The following MYO16 variants were observed in gnomAD, a reference collection of about 807,000 sequenced individuals.
MYO16 encodes unconventional myosin-XVI.
A neutral mutation model predicts 205.3 loss-of-function variants in MYO16; 94 were observed. The observed-to-expected ratio is 0.46, with a 90% CI of 0.39 to 0.54. The LOEUF is 0.54. Ranked by LOEUF, MYO16 falls within the 20% of genes least tolerant of loss-of-function variation. The pLI, the probability that MYO16 is intolerant of heterozygous loss-of-function variation, is 0.00. For missense variants in MYO16, 2,315 were observed against 2,387.5 expected (o/e 0.97, Z 0.63); for synonymous variants, 988 against 954.0 (o/e 1.04, Z -0.66).
chr13:109,081,386 A>G (rs940880609), intron 27 of MYO16, among the ~76,000 whole-genome samples: 9 of 152,170 alleles, frequency 5.9e-5, no homozygotes, highest in Non-Finnish European at 1.2e-4. Context: ...GTGAATATTG[A>G]GTCCCACAAA....
chr13:108,876,359 T>C (rs986955784), intron 12 of MYO16, among the ~76,000 whole-genome samples: 1 of 152,138 alleles, frequency 6.6e-6, no homozygotes. Flanking sequence ...AAGGGTATGG[T>C]AAGAAAACAC....
chr13:108,614,717 T>C (rs1429068241), intron 1 of MYO16, among the ~76,000 whole-genome samples: 1 of 152,078 alleles, frequency 6.6e-6, no homozygotes, highest in African/African-American at 2.4e-5. Flanking sequence ...GACTATTCTA[T>C]GGGAAGAGTC....
chr13:108,836,887 G>T (rs1218145291), intron 9 of MYO16, among the ~76,000 whole-genome samples: 2 of 152,174 alleles, frequency 1.3e-5, no homozygotes, highest in African/African-American at 4.8e-5. Context: ...CTCATAGATG[G>T]TGGGGACTTA....
the MYO16 span, among the ~76,000 whole-genome samples, chr13:108,585,071 A>G: frequency 6.6e-6 from 1 of 152,170 alleles, no homozygotes; most frequent in Non-Finnish European, 1.5e-5. Flanking sequence ...ACTATCATTC[A>G]TTATATTTAT....
chr13:108,520,042 T>A, the MYO16 span, among the ~76,000 whole-genome samples: 2 of 152,144 alleles, frequency 1.3e-5, no homozygotes, highest in Non-Finnish European at 2.9e-5. Context: ...TTGAGTGCAT[T>A]TTCGCTGAGA....
At chr13:108,997,343 AGAGAGAGAGAGAGAGAGAGAG>A (rs1885052402) in intron 21 of MYO16, among the ~76,000 whole-genome samples, 1 of 3,270 alleles carries the variant, frequency 3.1e-4, no homozygotes, top group African/African-American at 1.2e-3. Flanking sequence ...AAAGAAAGAG[AGAGAGAGAGAGAGAGAGAGAG>A]AGAGAGAGAG....
Position 109,127,571 on chromosome 13 carries a change from C to G in MYO16, c.4051+21C>G, listed in dbSNP as rs760492103. The G allele has an allele frequency of 2.5e-6, 4 of 1,603,386 alleles. No homozygotes were observed. In the Admixed American group the frequency reaches 6.7e-5, roughly 27 times the overall value. On this transcript the variant is annotated intron_variant, in intron 31 of 34. Coordinates refer to ENST00000457511, the MANE Select transcript of MYO16 (RefSeq NM_001198950.3). The surrounding 1 kb of genome is among the most constrained non-coding windows in gnomAD (Gnocchi z 4.2). ...CGAAGGTCAGCCCTGGGGAGGGACC[C>G]AGCCTCGTGTTCCGGGCTCGCGCAT...
intron 10 of MYO16, among the ~76,000 whole-genome samples, chr13:108,849,040 A>G (rs758732263): frequency 1.3e-5 from 2 of 152,076 alleles, no homozygotes; most frequent in African/African-American, 2.4e-5. Flanking sequence ...TGGCAGAATA[A>G]CAAAAGGAGG....
chr13:108,677,731 T>C (rs1427729395), intron 2 of MYO16, among the ~76,000 whole-genome samples: 4 of 152,154 alleles, frequency 2.6e-5, no homozygotes, highest in Non-Finnish European at 5.9e-5. Flanking sequence ...CTAATAAGGA[T>C]TAATGGCAAA....
At chr13:109,169,499 A>G (rs932850433) in intron 33 of MYO16, among the ~76,000 whole-genome samples, 12 of 152,176 alleles carry the variant, frequency 7.9e-5, no homozygotes, top group African/African-American at 2.4e-4. Flanking sequence ...AATTGGCACA[A>G]ATAACAGATT....
At chr13:108,567,149 G>A in the MYO16 span, among the ~76,000 whole-genome samples, 1 of 152,114 alleles carries the variant, frequency 6.6e-6, no homozygotes, top group Non-Finnish European at 1.5e-5. Context: ...ACTGTAGGCA[G>A]GATAAAAGGT....
At chr13:108,762,354 A>C (rs939052071) in intron 4 of MYO16, among the ~76,000 whole-genome samples, 2 of 152,208 alleles carry the variant, frequency 1.3e-5, no homozygotes, top group Non-Finnish European at 2.9e-5. Flanking sequence ...CTTTGGGAAG[A>C]TACCAAGTAG....
At chr13:109,130,540 CTTGCTGATTAGTT>C (rs1483250757) in intron 31 of MYO16, among the ~76,000 whole-genome samples, 1 of 152,192 alleles carries the variant, frequency 6.6e-6, no homozygotes, top group African/African-American at 2.4e-5. Flanking sequence ...CTTGAGCATG[CTTGCTGATTAGTT>C]TTTACAGCAT....
chr13:108,615,730 G>A (rs969856941), intron 1 of MYO16, among the ~76,000 whole-genome samples: 13 of 152,234 alleles, frequency 8.5e-5, no homozygotes, highest in East Asian at 1.9e-4. Flanking sequence ...TCATTTGTAC[G>A]AAATGTCCAG....
At chr13:109,030,953 A>G (rs1886530025) in intron 23 of MYO16, among the ~76,000 whole-genome samples, 1 of 152,122 alleles carries the variant, frequency 6.6e-6, no homozygotes, top group Admixed American at 6.6e-5. Context: ...CTCTCAATCC[A>G]AATACTCCAC....
intron 1 of MYO16, among the ~76,000 whole-genome samples, chr13:108,656,583 A>G (rs1303433212): frequency 6.6e-6 from 1 of 152,196 alleles, no homozygotes; most frequent in African/African-American, 2.4e-5. Context: ...ATATAAGGAG[A>G]AGTGATTGAA....
chr13:108,987,621 A>G (rs1355134639), intron 20 of MYO16, among the ~76,000 whole-genome samples: 4 of 152,190 alleles, frequency 2.6e-5, no homozygotes, highest in African/African-American at 9.6e-5. Context: ...CAAGGGCAGT[A>G]AGTCTGGACA....
In MYO16 at chr13:108,722,017, A is replaced by C. The variant is rs115696881; in HGVS notation, c.364-5423A>C. Among the ~76,000 whole-genome samples, 462 of 152,204 alleles carry C rather than the reference A, an allele frequency of 3.0e-3. 3 individuals are homozygous for C. Among genetic ancestry groups the C allele is most frequent in the African/African-American group, 0.01 (428 of 41,514 alleles). On this transcript the variant is annotated intron_variant, in intron 3 of 34. Coordinates refer to ENST00000457511, the MANE Select transcript of MYO16 (RefSeq NM_001198950.3). ...TTAGAAAGGTACCATGCTTGATTTC[A>C]CCCTCTGATATCACTATCTTGAAAT...
intron 2 of MYO16, among the ~76,000 whole-genome samples, chr13:108,677,374 C>CGT (rs1882276046): frequency 8.8e-6 from 1 of 114,028 alleles, no homozygotes; most frequent in East Asian, 2.4e-4. Context: ...TATATATATG[C>CGT]ATATATATAT....
Sources: allele counts gnomAD v4.1 joint callset (sites outside exome capture counted in the v4.1 genomes callset), GRCh38; gene constraint gnomAD v4.1.1; non-coding constraint Gnocchi (gnomAD v3.1); transcripts MANE v1.5; gene names NCBI Gene and HGNC (gene_info 2026-07-23, HGNC 2026-07-21).